CEBPZ: variants seen among roughly 807,000 people sequenced by gnomAD.
The protein encoded by CEBPZ is CCAAT/enhancer-binding protein zeta.
CEBPZ carries 78 observed loss-of-function variants against 104.5 expected under a neutral mutation model. The observed-to-expected ratio is 0.75, with a 90% CI of 0.62 to 0.90. CEBPZ has a LOEUF of 0.90. Among genes scored for constraint, CEBPZ ranks in the 40% least tolerant of loss-of-function variants. The pLI is 0.00. For missense variants in CEBPZ, 1,439 were observed against 1,233.5 expected, an observed-to-expected ratio of 1.17 and a Z score of -2.50; for synonymous variants, 470 against 427.0, an observed-to-expected ratio of 1.10 and a Z score of -1.24.
chr2:37,210,774 A>G, intron 13 of CEBPZ: 1 of 446,688 alleles, frequency 2.2e-6, no homozygotes, highest in Non-Finnish European at 4.0e-6. Flanking sequence ...TGAAATAATG[A>G]TAACAAATTT....
At chr2:37,218,834 T>C (rs1664699744) in intron 5 of CEBPZ, among the ~76,000 whole-genome samples, 1 of 152,210 alleles carries the variant, frequency 6.6e-6, no homozygotes, top group East Asian at 1.9e-4. Flanking sequence ...ATCGCGCCAC[T>C]GCATTCCAGT....
At chr2:37,231,269 G>A (rs1227933843) in intron 1 of CEBPZ, 143 bp downstream of exon 1, 1 of 1,107,132 alleles carries the variant, frequency 9.0e-7, no homozygotes, top group Non-Finnish European at 1.4e-6. Context: ...CGTGGGAAGC[G>A]CACCGAACAC....
At chr2:37,207,137 C>A (rs1311113303) in intron 13 of CEBPZ, among the ~76,000 whole-genome samples, 1 of 152,150 alleles carries the variant, frequency 6.6e-6, no homozygotes, top group Non-Finnish European at 1.5e-5. Flanking sequence ...ACCACCAGAG[C>A]TTCCAAATTT....
At chr2:37,203,430 A>C (rs930296432) in intron 13 of CEBPZ, 13 of 152,182 alleles carry the variant, frequency 8.5e-5, no homozygotes, top group African/African-American at 2.9e-4. Context: ...CTATAAATGA[A>C]GTTGTTTATA....
intron 13 of CEBPZ, 74 bp downstream of exon 13, chr2:37,210,925 T>G (rs921789126): frequency 7.8e-6 from 8 of 1,027,406 alleles, no homozygotes; most frequent in Non-Finnish European, 1.1e-5. Flanking sequence ...TTTAGGAGAG[T>G]TCATTTCCCA....
Position 37,228,840 on chromosome 2 carries a change from A to T in CEBPZ, c.353T>A (p.Val118Glu). 1 of 1,600,582 alleles carries T rather than the reference A, an allele frequency of 6.2e-7. No homozygotes were observed. Among genetic ancestry groups the T allele is most frequent in the South Asian group, 1.1e-5 (1 of 87,214 alleles). ...TTTATTATTTATTTTAGGTATTTTT[A>T]CTTCTTTTTTGCTGGAATTTTCTTT... ...AEKENSSKKEVKIPKINNKNT... is the reference protein window; with the variant it reads ...AEKENSSKKEEKIPKINNKNT... Residue 118 changes from valine (V) to glutamate (E), a missense_variant, in exon 2 of 16, where the codon GTA (valine) becomes GAA (glutamate). Val to Glu is a moderately radical substitution (Grantham distance 121, BLOSUM62 -2). Transcript: ENST00000234170.
intron 2 of CEBPZ, among the ~76,000 whole-genome samples, chr2:37,226,704 A>T (rs1657268907): frequency 6.6e-6 from 1 of 152,200 alleles, no homozygotes; most frequent in African/African-American, 2.4e-5. Flanking sequence ...TAAGATACGA[A>T]CCACTACTCC....
At position 37,231,392 on chromosome 2, in the gene CEBPZ, C is replaced by T. The variant is rs1372940924; in HGVS notation, c.156+20G>A. On this transcript the variant is annotated intron_variant, in intron 1 of 15. Coordinates refer to ENST00000234170, the MANE Select transcript of CEBPZ (RefSeq NM_005760.3). ...AACTCTCCACGCCTGATCCCGTTCC[C>T]CGGAGCCCGCGGCCGTTACCTTGGT... 1 of 1,613,506 alleles carries T rather than the reference C, an allele frequency of 6.2e-7. No homozygotes were observed. The highest frequency in any genetic ancestry group is 8.5e-7 in the Non-Finnish European group (1 of 1,179,920).
At position 37,202,644 on chromosome 2, in the gene CEBPZ, CAAAAAAAAAAAAAAAAAAAAAAAAAAAAA is replaced by C. The variant is rs56340587; in HGVS notation, c.3025+111_3025+139del. ...TGGGCAAGGGAGTGAGACGCTGTCT[CAAAAAAAAAAAAAAAAAAAAAAAAAAAAA>C]AAAAAAAAAAAAAAAAAAAGAATAA... On this transcript the variant is annotated intron_variant, in intron 15 of 15. Transcript: ENST00000234170. 757 of 207,470 alleles carry C rather than the reference CAAAAAAAAAAAAAAAAAAAAAAAAAAAAA, an allele frequency of 3.6e-3. 8 individuals carry two copies. The highest frequency in any genetic ancestry group is 0.017 in the African/African-American group (243 of 14,114). 12.9% of individuals were successfully genotyped at this position (207,470 alleles called of 1,614,324 possible).
rs575165717 is a variant in CEBPZ at position 37,212,916 on chromosome 2, G to A, written c.2546-524C>T. Among the ~76,000 whole-genome samples the A allele has an allele frequency of 4.6e-4, 69 of 150,042 alleles. No individual in the cohort carries two copies. The South Asian group carries it at 0.014, about 31-fold the overall frequency. Reference sequence around the variant, plus strand: ...GAGCCGGACATCATGGCATGTACCTGTAGTCCCAGCTACCCGTGGGGCTGA... The same window carrying A: ...GAGCCGGACATCATGGCATGTACCTATAGTCCCAGCTACCCGTGGGGCTGA... On this transcript the variant is annotated intron_variant, in intron 10 of 15. Transcript: ENST00000234170.
At chr2:37,211,694 G>A (rs1397620201) in intron 12 of CEBPZ, 149 bp downstream of exon 12, 19 of 586,236 alleles carry the variant, frequency 3.2e-5, no homozygotes, top group African/African-American at 3.8e-5. Context: ...AGCTCCAAAC[G>A]AGAAGGGAAA....
In CEBPZ at chr2:37,223,368, G is replaced by A; in HGVS notation, c.1683C>T (p.Ser561=). Residue 561 remains serine (S), a synonymous_variant, in exon 3 of 16, where the codon TCC becomes TCT. Coordinates refer to ENST00000234170, the MANE Select transcript of CEBPZ (RefSeq NM_005760.3). The stretch of plus-strand genomic sequence containing the variant: ...CAAGGTTAAGAAACATAGCTTGCTT[G>A]GAACACGTCATCAACCCTGGATCCA... The part of the protein sequence containing the change: ...KMLDPGLMTC[S]KQAMFLNLVY... 1.2e-6 allele frequency: 2 copies of A among 1,614,122 alleles called. No homozygotes were observed. The highest frequency in any genetic ancestry group is 1.7e-6 in the Non-Finnish European group (2 of 1,180,004).
At chr2:37,212,500 G>T (rs950307410) in intron 10 of CEBPZ, 108 bp from the exon 11 acceptor site, 4 of 905,860 alleles carry the variant, frequency 4.4e-6, no homozygotes. Flanking sequence ...TTTATGACAA[G>T]TGAACACCAA....
intron 1 of CEBPZ, 130 bp from the exon 2 acceptor site, chr2:37,229,166 C>T (rs1454094759): frequency 1.4e-5 from 11 of 800,380 alleles, no homozygotes; most frequent in Non-Finnish European, 1.8e-5. Context: ...TGACATAAAA[C>T]TCAGGGTCCA....
intron 10 of CEBPZ, 194 bp from the exon 11 acceptor site, chr2:37,212,586 T>C (rs1677756827): frequency 7.5e-6 from 4 of 535,206 alleles, no homozygotes; most frequent in Non-Finnish European, 9.8e-6. Flanking sequence ...CTTAGTTAAA[T>C]CCCAAAACTA....
rs753764540 is a variant in CEBPZ, at chr2:37,228,216, CTT to C, written c.975_976del (p.Asp327Ter). ...ATACCATAATATCAGTCTTCTATCT[CTT>C]GAGTCCTTGTTGCCACTGGACAACT... is the stretch of plus-strand genomic sequence containing the variant. On this transcript the variant is annotated frameshift_variant, in exon 2 of 16. Coordinates refer to ENST00000234170, the MANE Select transcript of CEBPZ (RefSeq NM_005760.3). LOFTEE classifies it high-confidence loss of function. 8 of 1,614,208 alleles carry C rather than the reference CTT, an allele frequency of 5.0e-6. No homozygotes were observed. Among genetic ancestry groups the C allele is most frequent in the East Asian group, 2.2e-5 (1 of 44,894 alleles).
intron 13 of CEBPZ, 107 bp from the exon 14 acceptor site, chr2:37,203,115 T>G: frequency 2.9e-6 from 2 of 693,974 alleles, no homozygotes; most frequent in Non-Finnish European, 4.6e-6. Flanking sequence ...GTAAAAACAA[T>G]TGCAATAATC....
chr2:37,211,728 A>C (rs754336473), intron 12 of CEBPZ, 115 bp downstream of exon 12: 5 of 712,712 alleles, frequency 7.0e-6, no homozygotes, highest in Non-Finnish European at 1.1e-5. Flanking sequence ...TTTCTGGCTG[A>C]CATGAGTATT....
intron 15 of CEBPZ, chr2:37,202,505 C>T (rs191588386): frequency 3.3e-4 from 79 of 237,130 alleles, no homozygotes; most frequent in Admixed American, 9.4e-4. Context: ...ATTAGCTGGG[C>T]GTGGTGGTGC....
Sources: allele counts gnomAD v4.1 joint callset (sites outside exome capture counted in the v4.1 genomes callset), GRCh38; gene constraint gnomAD v4.1.1; transcripts MANE v1.5; gene names NCBI Gene and HGNC (gene_info 2026-07-23, HGNC 2026-07-21).